Variants in SREBF2 observed in about 807,000 individuals in gnomAD.
SREBF2 encodes sterol regulatory element-binding protein 2.
Under a neutral mutation model 113.1 loss-of-function variants are expected in SREBF2, and 55 were observed. That is an observed-to-expected ratio of 0.49 (90% CI 0.39 to 0.61). The LOEUF (loss-of-function observed/expected upper bound fraction) is 0.61, where lower values mean the gene tolerates loss of function less well. Ranked by LOEUF, SREBF2 falls within the 20% of genes least tolerant of loss-of-function variation. SREBF2 has a pLI of 0.00. For missense variants in SREBF2, 1,349 were observed against 1,487.4 expected, an observed-to-expected ratio of 0.91 and a Z score of 1.53; for synonymous variants, 593 against 605.7, an observed-to-expected ratio of 0.98 and a Z score of 0.31.
rs527759484 is a variant in SREBF2 at position 41,897,071 on chromosome 22, G to C, written c.2515G>C (p.Glu839Gln). 13 of 1,613,032 alleles carry C rather than the reference G, an allele frequency of 8.1e-6. No homozygotes were observed. In the South Asian group the frequency reaches 1.3e-4, roughly 16 times the overall value. Residue 839 changes from glutamate to glutamine, a missense_variant, in exon 14 of 19, where the codon GAG becomes CAG. Around this residue, in one of 2 missense-constraint regions of SREBF2, gnomAD observed 650 missense variants for 644.1 expected, o/e 1.01. Coordinates refer to ENST00000361204, the MANE Select transcript of SREBF2 (RefSeq NM_004599.4). ...TCCTAGTGAATTCTCCAGTGCTCTGGAGTACTTGAAATTACTTCATTCTTT... is the reference window on the plus strand; with the variant it reads ...TCCTAGTGAATTCTCCAGTGCTCTGCAGTACTTGAAATTACTTCATTCTTT... ...EESCEFSSAL[E>Q]YLKLLHSFVD... is the part of the protein sequence containing the mutation.
intron 6 of SREBF2, 24 bp downstream of exon 6, chr22:41,875,475 G>C (rs377462817): frequency 1.9e-6 from 3 of 1,614,082 alleles, no homozygotes; most frequent in Admixed American, 3.3e-5. Flanking sequence ...GAAAAGGCTT[G>C]TCAGCCCTGG....
chr22:41,891,707 C>T (rs920030409), intron 11 of SREBF2, among the ~76,000 whole-genome samples: 1 of 152,202 alleles, frequency 6.6e-6, no homozygotes, highest in African/African-American at 2.4e-5. Flanking sequence ...GGTGTGGAAG[C>T]GATGTCTGCG....
At chr22:41,874,750 A>G (rs895178429) in intron 5 of SREBF2, among the ~76,000 whole-genome samples, 6 of 152,152 alleles carry the variant, frequency 3.9e-5, no homozygotes, top group Non-Finnish European at 5.9e-5. Context: ...TACTAAAAAT[A>G]CAAAAAATTA....
At chr22:41,852,717 C>T (rs1440758751) in intron 1 of SREBF2, among the ~76,000 whole-genome samples, 1 of 135,794 alleles carries the variant, frequency 7.4e-6, no homozygotes, top group East Asian at 2.2e-4. Flanking sequence ...CATTCTCATA[C>T]TCTCAGAATG....
chr22:41,891,445 T>C (rs2077361815), intron 11 of SREBF2: 1 of 152,198 alleles, frequency 6.6e-6, no homozygotes, highest in South Asian at 2.1e-4. Flanking sequence ...TTTGAGATTA[T>C]GAGTATGTGT....
chr22:41,874,011 G>A lies in SREBF2; in HGVS notation c.1081G>A (p.Asp361Asn). The A allele has an allele frequency of 6.2e-7, 1 of 1,614,196 alleles. No homozygotes were observed. The highest frequency in any genetic ancestry group is 8.5e-7 in the Non-Finnish European group (1 of 1,180,040). Reference protein sequence around the residue: ...IELKDLVMGTDAKMHKSGVLR... With the variant: ...IELKDLVMGTNAKMHKSGVLR... ...ATTGAAAGACCTGGTCATGGGGACAGACGCCAAGGTGGGTGCCAAGCAAAA... is the reference window on the plus strand; with the variant it reads ...ATTGAAAGACCTGGTCATGGGGACAAACGCCAAGGTGGGTGCCAAGCAAAA... The change falls in exon 5 of 19, where the codon GAC (aspartate) becomes AAC (asparagine). Residue 361 changes from aspartate to asparagine, a missense_variant. Around this residue, in one of 2 missense-constraint regions of SREBF2, gnomAD observed 699 missense variants for 843.3 expected, o/e 0.83. Coordinates refer to ENST00000361204, the MANE Select transcript of SREBF2 (RefSeq NM_004599.4).
At chr22:41,841,479 C>T (rs1469368944) in intron 1 of SREBF2, among the ~76,000 whole-genome samples, 3 of 152,172 alleles carry the variant, frequency 2.0e-5, no homozygotes, top group Non-Finnish European at 4.4e-5. Context: ...GGTTTCTCCT[C>T]CCTCCTCTGT....
intron 11 of SREBF2, among the ~76,000 whole-genome samples, chr22:41,887,277 C>T (rs1198625203): frequency 6.6e-6 from 1 of 151,992 alleles, no homozygotes; most frequent in African/African-American, 2.4e-5. Context: ...CATAAATACA[C>T]AGTTCAGTGA....
At chr22:41,865,567 G>A (rs547710952) in intron 1 of SREBF2, among the ~76,000 whole-genome samples, 1 of 152,280 alleles carries the variant, frequency 6.6e-6, no homozygotes, top group Admixed American at 6.5e-5. Flanking sequence ...CCTGGAAGTA[G>A]GCTTGAGACC....
chr22:41,871,094 T>C, intron 4 of SREBF2, 59 bp downstream of exon 4: 1 of 1,607,306 alleles, frequency 6.2e-7, no homozygotes, highest in Non-Finnish European at 8.5e-7. Context: ...GAGGTGTTAG[T>C]CTTCAGAGAT....
At chr22:41,851,281 A>G (rs1251436694) in intron 1 of SREBF2, among the ~76,000 whole-genome samples, 2 of 152,138 alleles carry the variant, frequency 1.3e-5, no homozygotes, top group Non-Finnish European at 2.9e-5. Context: ...TTAAATATCA[A>G]TAGTGCAACC....
intron 14 of SREBF2, 128 bp from the exon 15 acceptor site, chr22:41,898,521 G>GC (rs2077435583): frequency 1.6e-6 from 2 of 1,260,842 alleles, no homozygotes; most frequent in Non-Finnish European, 2.3e-6. Flanking sequence ...GGAGCCCAGA[G>GC]GCTGCTGGCC....
chr22:41,852,045 C>T (rs907622224), intron 1 of SREBF2, among the ~76,000 whole-genome samples: 3 of 151,818 alleles, frequency 2.0e-5, no homozygotes, highest in East Asian at 2.0e-4. Context: ...GGTGTGAACC[C>T]GGGAGGTGGA....
intron 16 of SREBF2, among the ~76,000 whole-genome samples, chr22:41,902,197 G>A (rs796483133): frequency 2.6e-5 from 4 of 152,290 alleles, no homozygotes; most frequent in African/African-American, 9.6e-5. Flanking sequence ...GGCTGCTTGC[G>A]GCCCATCTCA....
chr22:41,851,904 A>G (rs2076935268), intron 1 of SREBF2, among the ~76,000 whole-genome samples: 1 of 151,868 alleles, frequency 6.6e-6, no homozygotes, highest in Non-Finnish European at 1.5e-5. Flanking sequence ...GTGGATCACA[A>G]GGTCAGGAGA....
At chr22:41,881,632 C>T (rs1370630833) in intron 10 of SREBF2, among the ~76,000 whole-genome samples, 1 of 152,086 alleles carries the variant, frequency 6.6e-6, no homozygotes, top group East Asian at 1.9e-4. Context: ...CTTCAGTGGT[C>T]CTAGAGGGAG....
intron 1 of SREBF2, among the ~76,000 whole-genome samples, chr22:41,855,819 C>T (rs2076972138): frequency 6.6e-6 from 1 of 150,698 alleles, no homozygotes; most frequent in African/African-American, 2.4e-5. Flanking sequence ...TACAGTGGTA[C>T]AGTCGTGGCT....
chr22:41,883,134 G>A (rs2077265419), intron 10 of SREBF2, among the ~76,000 whole-genome samples: 1 of 152,222 alleles, frequency 6.6e-6, no homozygotes, highest in African/African-American at 2.4e-5. Flanking sequence ...GGCTGCCTGA[G>A]AGGAGCAGTT....
chr22:41,838,204 T>C (rs1369464199), intron 1 of SREBF2, among the ~76,000 whole-genome samples: 1 of 152,114 alleles, frequency 6.6e-6, no homozygotes, highest in East Asian at 1.9e-4. Context: ...AATAGATGGG[T>C]GGCAGGAGCA....
Sources: allele counts gnomAD v4.1 joint callset (sites outside exome capture counted in the v4.1 genomes callset), GRCh38; gene constraint gnomAD v4.1.1; regional missense constraint gnomAD v4.1.1; transcripts MANE v1.5; gene names NCBI Gene and HGNC (gene_info 2026-07-23, HGNC 2026-07-21).